The following ATP8A2 variants were observed in gnomAD, a reference collection of about 807,000 sequenced individuals.
ATP8A2 encodes phospholipid-transporting ATPase IB.
ATP8A2 carries 100 observed loss-of-function variants against 165.6 expected under a neutral mutation model. The ratio of observed to expected loss-of-function variants is 0.60; its 90% CI spans 0.51 to 0.71. The LOEUF is 0.71. Ranked by LOEUF, ATP8A2 falls within the 30% of genes least tolerant of loss-of-function variation. The probability of loss-of-function intolerance (pLI) is 0.00; values close to 1 mark genes in which losing one functional copy is unlikely to be tolerated. For synonymous variants in ATP8A2, 543 were observed against 548.8 expected (o/e 0.99, Z 0.15); for missense variants, 1,227 against 1,479.5 (o/e 0.83, Z 2.80).
Position 25,699,166 on chromosome 13 carries a change from G to A in ATP8A2, c.2212-7G>A, listed in dbSNP as rs535629009. The A allele has an allele frequency of 3.9e-6, 6 of 1,529,578 alleles. No individual in the cohort carries two copies. The Admixed American group carries it at 1.3e-4, about 32-fold the overall frequency. 94.8% of individuals were successfully genotyped at this position (1,529,578 alleles called of 1,614,324 possible). The stretch of plus-strand genomic sequence containing the variant: ...AAATGTGATTTTCCCCTATACTCTT[G>A]TTTCAGGCCACAAGGGCAGCCATTA... On this transcript the variant is annotated splice_region_variant and splice_polypyrimidine_tract_variant and intron_variant, in intron 24 of 36. Transcript: ENST00000381655.
At chr13:25,798,624 G>A (rs1409270) in intron 27 of ATP8A2, among the ~76,000 whole-genome samples, 1 of 152,194 alleles carries the variant, frequency 6.6e-6, no homozygotes, top group Non-Finnish European at 1.5e-5. Flanking sequence ...AGTATTTGAA[G>A]GAGGTGGGGA....
chr13:25,484,188 T>C (rs1439882208), intron 2 of ATP8A2, among the ~76,000 whole-genome samples: 1 of 152,238 alleles, frequency 6.6e-6, no homozygotes, highest in African/African-American at 2.4e-5. Flanking sequence ...AAGAACACAG[T>C]TGCATATAAA....
At chr13:25,518,671 T>G (rs1247645681) in intron 2 of ATP8A2, among the ~76,000 whole-genome samples, 2 of 152,170 alleles carry the variant, frequency 1.3e-5, no homozygotes, top group African/African-American at 4.8e-5. Flanking sequence ...AAAATCAGAC[T>G]CTGGTATTGT....
At chr13:25,840,943 C>T (rs1407504843) in intron 30 of ATP8A2, among the ~76,000 whole-genome samples, 4 of 152,202 alleles carry the variant, frequency 2.6e-5, no homozygotes, top group African/African-American at 7.2e-5. Flanking sequence ...CTGAAGACCC[C>T]TTACCACTTC....
chr13:25,924,640 A>AC (rs1954547614), intron 33 of ATP8A2, among the ~76,000 whole-genome samples: 1 of 41,326 alleles, frequency 2.4e-5, no homozygotes. Flanking sequence ...TCAACATTTG[A>AC]TTGGGGGGGA....
intron 33 of ATP8A2, among the ~76,000 whole-genome samples, chr13:25,952,651 C>T (rs531278314): frequency 9.9e-5 from 15 of 152,232 alleles, no homozygotes; most frequent in East Asian, 1.9e-4. Context: ...GAATGACACG[C>T]GTGAGCCACC....
At chr13:25,904,316 C>T (rs941203414) in intron 33 of ATP8A2, among the ~76,000 whole-genome samples, 1 of 152,236 alleles carries the variant, frequency 6.6e-6, no homozygotes, top group Non-Finnish European at 1.5e-5. Context: ...AATCCACTGC[C>T]CAGCTCAGGC....
At chr13:25,884,879 G>A (rs561789542) in intron 33 of ATP8A2, among the ~76,000 whole-genome samples, 2 of 152,192 alleles carry the variant, frequency 1.3e-5, no homozygotes, top group East Asian at 1.9e-4. Flanking sequence ...CACCTCTGAC[G>A]AGTCCACTCT....
At chr13:25,450,600 C>A (rs1048447813) in intron 1 of ATP8A2, among the ~76,000 whole-genome samples, 21 of 151,932 alleles carry the variant, frequency 1.4e-4, no homozygotes, top group African/African-American at 4.8e-4. Flanking sequence ...GGTGTGATCT[C>A]GGCTCACTGC....
chr13:25,406,612 G>A (rs1473208741), intron 1 of ATP8A2, among the ~76,000 whole-genome samples: 2 of 152,196 alleles, frequency 1.3e-5, no homozygotes, highest in Non-Finnish European at 2.9e-5. Flanking sequence ...AGGGCTCACA[G>A]AGGAGGTGAC....
chr13:25,424,599 G>A (rs1366890371), intron 1 of ATP8A2, among the ~76,000 whole-genome samples: 2 of 152,148 alleles, frequency 1.3e-5, no homozygotes, highest in Non-Finnish European at 2.9e-5. Context: ...GGGTTCCTTT[G>A]AAACATGGTG....
intron 25 of ATP8A2, among the ~76,000 whole-genome samples, chr13:25,702,201 A>ATT (rs553385940): frequency 2.0e-5 from 3 of 152,130 alleles, no homozygotes; most frequent in African/African-American, 4.8e-5. Context: ...GAAAGAAGTA[A>ATT]TTTTTTTTCA....
At chr13:25,433,420 G>T (rs1377230494) in intron 1 of ATP8A2, among the ~76,000 whole-genome samples, 2 of 152,110 alleles carry the variant, frequency 1.3e-5, no homozygotes, top group Non-Finnish European at 1.5e-5. Flanking sequence ...CTACAGGCGT[G>T]TGCCACCATT....
chr13:25,909,136 T>C (rs1954032796), intron 33 of ATP8A2, among the ~76,000 whole-genome samples: 1 of 152,166 alleles, frequency 6.6e-6, no homozygotes, highest in Admixed American at 6.5e-5. Flanking sequence ...GGGTACAGAA[T>C]TCCAATTAGA....
chr13:25,418,561 A>C lies in ATP8A2; in HGVS notation c.76+46273A>C, dbSNP rs371040117. On this transcript the variant is annotated intron_variant, in intron 1 of 36. Coordinates refer to ENST00000381655, the MANE Select transcript of ATP8A2 (RefSeq NM_016529.6). ...AGATGTTACAATTGATTCCAGGCAG[A>C]ATGCAAAGAGCAGATGCATTTGTAG... Among the ~76,000 whole-genome samples the C allele has an allele frequency of 5.3e-5, 8 of 152,314 alleles. No individual in the cohort carries two copies. In the South Asian group the frequency reaches 1.7e-3, roughly 32 times the overall value.
intron 34 of ATP8A2, among the ~76,000 whole-genome samples, chr13:25,966,029 G>GAAAAAAAAAAAAAAA (rs61635155): frequency 7.5e-6 from 1 of 133,556 alleles, no homozygotes. Context: ...AAGAGTTTCA[G>GAAAAAAAAAAAAAAA]AAAAAAAAAA....
At chr13:25,415,453 C>A (rs2138077394) in intron 1 of ATP8A2, among the ~76,000 whole-genome samples, 1 of 152,330 alleles carries the variant, frequency 6.6e-6, no homozygotes, top group South Asian at 2.1e-4. Context: ...CCTTCCTCAA[C>A]CATTTATTCT....
At chr13:25,840,156 T>A (rs1951719609) in intron 30 of ATP8A2, among the ~76,000 whole-genome samples, 1 of 152,216 alleles carries the variant, frequency 6.6e-6, no homozygotes, top group Non-Finnish European at 1.5e-5. Flanking sequence ...TAGAAGAGGA[T>A]GTCTGAGAAC....
At chr13:25,747,559 T>G (rs376767302) in intron 25 of ATP8A2, among the ~76,000 whole-genome samples, 5 of 150,774 alleles carry the variant, frequency 3.3e-5, no homozygotes, top group East Asian at 2.0e-4. Flanking sequence ...AGCTCAGTCA[T>G]GGAGGAGGGG....
Sources: gnomAD v4.1 joint callset for allele counts (sites outside exome capture counted in the v4.1 genomes callset) on GRCh38, gnomAD v4.1.1 for gene constraint, MANE v1.5 for transcripts, NCBI Gene and HGNC (gene_info 2026-07-23, HGNC 2026-07-21) for gene names.